Variants in CHTOP observed in about 807,000 individuals in gnomAD.
The protein encoded by CHTOP is chromatin target of PRMT1 protein.
Under a neutral mutation model 33.6 loss-of-function variants are expected in CHTOP, and 18 were observed. The observed-to-expected ratio is 0.54, with a 90% CI of 0.37 to 0.80. The LOEUF (loss-of-function observed/expected upper bound fraction) is 0.80, where lower values mean the gene tolerates loss of function less well. Among genes scored for constraint, CHTOP ranks in the 30% least tolerant of loss-of-function variants. The pLI is 0.00. For synonymous variants in CHTOP, 117 were observed against 127.7 expected, an observed-to-expected ratio of 0.92 and a Z score of 0.56; for missense variants, 263 against 336.8, an observed-to-expected ratio of 0.78 and a Z score of 1.71.
At chr1:153,642,156 A>T in intron 3 of CHTOP, 90 bp from the exon 4 acceptor site, 1 of 1,104,462 alleles carries the variant, frequency 9.1e-7, no homozygotes, top group South Asian at 1.6e-5. Flanking sequence ...CCAGCATCTC[A>T]CTTGCTTCTT....
At chr1:153,641,651 T>A (rs972972854) in intron 3 of CHTOP, among the ~76,000 whole-genome samples, 10 of 152,220 alleles carry the variant, frequency 6.6e-5, no homozygotes, top group African/African-American at 2.4e-5. Context: ...TTGTGTTTAT[T>A]TACATCTTAA....
intron 2 of CHTOP, 80 bp from the exon 3 acceptor site, chr1:153,638,215 G>A: frequency 6.7e-7 from 1 of 1,500,690 alleles, no homozygotes; most frequent in South Asian, 1.2e-5. Flanking sequence ...TGGAGCTCCT[G>A]GTCTAGCAAG....
chr1:153,645,308 A>T lies in CHTOP; in HGVS notation c.*39A>T. 1.3e-6 allele frequency: 2 copies of T among 1,587,946 alleles called. No homozygotes were observed. On this transcript the variant is annotated 3_prime_UTR_variant, in exon 6 of 6. Coordinates refer to ENST00000368694, the MANE Select transcript of CHTOP (RefSeq NM_015607.4). ...TCCCATGAGAGACTCTTGTTAGTCA[A>T]CACATCTGTAAATAACCTTGAGATA...
At chr1:153,636,088 AT>A (rs71093280) in intron 1 of CHTOP, among the ~76,000 whole-genome samples, 77,544 of 138,562 alleles carry the variant, frequency 0.56, 21,545 homozygotes, top group East Asian at 0.69. Flanking sequence ...TGCACCGCTA[AT>A]TTTTTTTTTT....
intron 1 of CHTOP, among the ~76,000 whole-genome samples, chr1:153,635,166 T>C (rs947517950): frequency 6.6e-6 from 1 of 151,366 alleles, no homozygotes; most frequent in African/African-American, 2.4e-5. Flanking sequence ...GTATTTTCAC[T>C]GTAGATCAGT....
Position 153,645,058 on chromosome 1 carries a change from G to A in CHTOP, c.542-6G>A. On this transcript the variant is annotated splice_polypyrimidine_tract_variant and splice_region_variant and intron_variant, in intron 5 of 5. Transcript: ENST00000368694. ...TCTTTTTTTTTTTTTTTCCCCTTTG[G>A]GCCAGGTCGGGGTATGATAGGTCGG... The A allele has an allele frequency of 6.3e-7, 1 of 1,596,036 alleles. No individual in the cohort carries two copies. The highest frequency in any genetic ancestry group is 1.1e-5 in the South Asian group (1 of 87,968).
intron 5 of CHTOP, 45 bp from the exon 6 acceptor site, chr1:153,645,019 T>TA (rs764002222): frequency 6.3e-7 from 1 of 1,579,724 alleles, no homozygotes; most frequent in Admixed American, 1.8e-5. Flanking sequence ...CTATTAAACT[T>TA]ACTTGTAACT....
intron 3 of CHTOP, among the ~76,000 whole-genome samples, chr1:153,640,892 C>T (rs980820428): frequency 2.0e-5 from 3 of 152,090 alleles, no homozygotes; most frequent in Admixed American, 1.3e-4. Flanking sequence ...TATTAAAGGC[C>T]GGTATTGGTG....
Position 153,645,467 on chromosome 1 carries a change from T to C in CHTOP, c.*198T>C. On this transcript the variant is annotated 3_prime_UTR_variant, in exon 6 of 6. Coordinates refer to ENST00000368694, the MANE Select transcript of CHTOP (RefSeq NM_015607.4). ...TGTGTTGTATGAAACCCTTTTGTCC[T>C]TTGATTTGGTTTTTTGTTTTTGTTT... 2.2e-6 allele frequency: 1 copy of C among 463,754 alleles called. No individual in the cohort carries two copies. The highest frequency in any genetic ancestry group is 3.8e-6 in the Non-Finnish European group (1 of 266,092). The allele number at this position is 463,754 out of a possible 1,614,324, so 28.7% of individuals were successfully genotyped here. A position where few individuals can be genotyped will look rare whatever the true frequency, so the allele number is the denominator to read the frequency against.
chr1:153,642,984 T>C, intron 4 of CHTOP: 2 of 502,180 alleles, frequency 4.0e-6, no homozygotes, highest in Non-Finnish European at 7.2e-6. Context: ...AGTAGATATT[T>C]ATTAAATGTA....
Position 153,643,211 on chromosome 1 carries a change from A to G in CHTOP, c.404-16A>G, listed in dbSNP as rs1390274584. 1 of 1,614,024 alleles carries G rather than the reference A, an allele frequency of 6.2e-7. No individual in the cohort carries two copies. Among genetic ancestry groups the G allele is most frequent in the Non-Finnish European group, 8.5e-7 (1 of 1,179,928 alleles). ...TTGGATTTACCTGCATATACATTGTATGCCTCCTCTCTAAGGTCAAAACCT... is the reference window on the plus strand; with the variant it reads ...TTGGATTTACCTGCATATACATTGTGTGCCTCCTCTCTAAGGTCAAAACCT... On this transcript the variant is annotated splice_polypyrimidine_tract_variant and intron_variant, in intron 4 of 5. Transcript: ENST00000368694.
intron 1 of CHTOP, among the ~76,000 whole-genome samples, chr1:153,635,308 AT>A (rs919432440): frequency 4.6e-5 from 7 of 151,220 alleles, no homozygotes; most frequent in African/African-American, 1.7e-4. Flanking sequence ...TGTATTTTCT[AT>A]TTTTTTAATT....
chr1:153,640,451 A>G (rs1424732982), intron 3 of CHTOP, among the ~76,000 whole-genome samples: 4 of 152,072 alleles, frequency 2.6e-5, no homozygotes, highest in Non-Finnish European at 5.9e-5. Context: ...CTTGGGTGAC[A>G]GTGAGACTCT....
chr1:153,643,043 G>T, intron 4 of CHTOP, 184 bp from the exon 5 acceptor site: 1 of 674,368 alleles, frequency 1.5e-6, no homozygotes, highest in Non-Finnish European at 2.6e-6. Context: ...TGGATTTGTG[G>T]TCAGACTTGT....
At chr1:153,635,497 G>T (rs1668343341) in intron 1 of CHTOP, among the ~76,000 whole-genome samples, 1 of 151,506 alleles carries the variant, frequency 6.6e-6, no homozygotes, top group African/African-American at 2.4e-5. Flanking sequence ...GTCATATGTA[G>T]TCAAGGTTGA....
Position 153,645,242 on chromosome 1 carries a change from G to T in CHTOP, c.720G>T (p.Ala240=). ...ATGCTGAGTTGGATGCCTACATGGCGCAGACAGATCCCGAAACCAATGATT... is the reference window on the plus strand; with the variant it reads ...ATGCTGAGTTGGATGCCTACATGGCTCAGACAGATCCCGAAACCAATGATT... ...HLDAELDAYM[A]QTDPETND The change falls in exon 6 of 6, where the codon GCG becomes GCT. Residue 240 remains alanine, a synonymous_variant. Transcript: ENST00000368694. 4 of 1,614,168 alleles carry T rather than the reference G, an allele frequency of 2.5e-6. No homozygotes were observed. The highest frequency in any genetic ancestry group is 2.5e-6 in the Non-Finnish European group (3 of 1,180,026).
intron 2 of CHTOP, 124 bp downstream of exon 2, chr1:153,636,777 T>G: frequency 1.3e-6 from 1 of 761,668 alleles, no homozygotes; most frequent in Non-Finnish European, 2.2e-6. Context: ...ACCTCTGTTC[T>G]TAGTTGCATC....
At chr1:153,644,284 G>A (rs1414505485) in intron 5 of CHTOP, 1 of 152,168 alleles carries the variant, frequency 6.6e-6, no homozygotes, top group Non-Finnish European at 1.5e-5. Flanking sequence ...AGCTAGTTTG[G>A]GTTTCAGGAT....
chr1:153,634,845 T>TGC (rs1668280279), intron 1 of CHTOP, among the ~76,000 whole-genome samples: 1 of 122,322 alleles, frequency 8.2e-6, no homozygotes, highest in Non-Finnish European at 1.6e-5. Context: ...TATACATACA[T>TGC]ATATATATAT....
Sources: allele counts gnomAD v4.1 joint callset (sites outside exome capture counted in the v4.1 genomes callset), GRCh38; gene constraint gnomAD v4.1.1; transcripts MANE v1.5; gene names NCBI Gene and HGNC (gene_info 2026-07-23, HGNC 2026-07-21).